Variants in LMLN observed in about 807,000 individuals in gnomAD.
LMLN encodes leishmanolysin like peptidase, also known as leishmanolysin-like peptidase.
A neutral mutation model predicts 92.3 loss-of-function variants in LMLN; 70 were observed. That is an observed-to-expected ratio of 0.76 (90% CI 0.63 to 0.92). The LOEUF (loss-of-function observed/expected upper bound fraction) is 0.92. LMLN is among the 40% of genes least tolerant of loss of function. The pLI is 0.00. For missense variants in LMLN, 691 were observed against 814.6 expected (o/e 0.85, Z 1.85); for synonymous variants, 308 against 296.2 (o/e 1.04, Z -0.41).
At chr3:198,034,997 C>G (rs997552250) in intron 14 of LMLN, among the ~76,000 whole-genome samples, 2 of 152,078 alleles carry the variant, frequency 1.3e-5, no homozygotes, top group Non-Finnish European at 2.9e-5. Flanking sequence ...GAGTTCGAGA[C>G]CAGCCTAGGC....
intron 1 of LMLN, among the ~76,000 whole-genome samples, chr3:197,969,953 G>A (rs1355815755): frequency 6.6e-6 from 1 of 152,126 alleles, no homozygotes; most frequent in Non-Finnish European, 1.5e-5. Context: ...AGACCAGCCT[G>A]GCCAACGTGG....
chr3:197,980,487 GGAAGCAAA>G lies in LMLN; in HGVS notation c.712_719del (p.Glu238HisfsTer10). On this transcript the variant is annotated frameshift_variant, in exon 6 of 16. Coordinates refer to ENST00000330198, the Ensembl canonical transcript of LMLN. LOFTEE classifies it high-confidence loss of function. ...TCTCTTATGCAGCCTATTGTCAGCA[GGAAGCAAA>G]CATGGACAGGTAATCTTTCCTCCGG... 1 of 1,613,566 alleles carries G rather than the reference GGAAGCAAA, an allele frequency of 6.2e-7. No individual in the cohort carries two copies. Among genetic ancestry groups the G allele is most frequent in the Non-Finnish European group, 8.5e-7 (1 of 1,179,810 alleles).
At chr3:197,998,316 A>G (rs1722081909) in intron 10 of LMLN, among the ~76,000 whole-genome samples, 1 of 152,364 alleles carries the variant, frequency 6.6e-6, no homozygotes, top group South Asian at 2.1e-4. Context: ...GAAAGAATGA[A>G]ATTAGTGCTT....
intron 3 of LMLN, among the ~76,000 whole-genome samples, chr3:197,975,463 G>A (rs1202577910): frequency 1.3e-5 from 2 of 152,162 alleles, no homozygotes; most frequent in African/African-American, 4.8e-5. Flanking sequence ...TTTTAACTGT[G>A]TGGAGACACA....
intron 1 of LMLN, among the ~76,000 whole-genome samples, chr3:197,971,846 T>C (rs1021770657): frequency 1.3e-5 from 2 of 152,118 alleles, no homozygotes; most frequent in Non-Finnish European, 2.9e-5. Context: ...TGTTATTTCT[T>C]TCAAATATAT....
intron 14 of LMLN, among the ~76,000 whole-genome samples, chr3:198,029,904 G>T (rs1029242975): frequency 6.6e-6 from 1 of 151,848 alleles, no homozygotes; most frequent in Non-Finnish European, 1.5e-5. Context: ...CAGGTGGCAT[G>T]ATCCCTCGGC....
At chr3:197,965,285 C>T (rs967337439) in intron 1 of LMLN, among the ~76,000 whole-genome samples, 3 of 152,170 alleles carry the variant, frequency 2.0e-5, no homozygotes, top group Admixed American at 6.5e-5. Flanking sequence ...TCCCAAAGTG[C>T]TGGGATTACA....
intron 7 of LMLN, among the ~76,000 whole-genome samples, chr3:197,984,646 G>A (rs985276594): frequency 6.6e-6 from 1 of 151,162 alleles, no homozygotes; most frequent in East Asian, 2.0e-4. Flanking sequence ...ATAAGGTCTC[G>A]CTATGTTGCC....
intron 14 of LMLN, among the ~76,000 whole-genome samples, chr3:198,028,382 A>G (rs1581181964): frequency 1.3e-5 from 2 of 152,246 alleles, no homozygotes; most frequent in South Asian, 4.1e-4. Flanking sequence ...AGTTGTTGAA[A>G]TGGACTTTGT....
intron 13 of LMLN, 30 bp downstream of exon 14, chr3:198,021,635 AT>A: frequency 6.3e-7 from 1 of 1,581,500 alleles, no homozygotes. Flanking sequence ...GAAGTATTAT[AT>A]ACATATTAAA....
rs199633343 is a variant in LMLN at position 197,990,549 on chromosome 3, A to G, written c.930-10A>G. The G allele has an allele frequency of 4.9e-5, 58 of 1,183,740 alleles. No individual in the cohort carries two copies. The Middle Eastern group carries it at 1.3e-3, about 27-fold the overall frequency. 73.3% of individuals were successfully genotyped at this position (1,183,740 alleles called of 1,614,324 possible). ...TCAGTAATAATTGTGTTTTAATTCT[A>G]TAATTACAGTCTGGGATTATATCAA... On this transcript the variant is annotated splice_polypyrimidine_tract_variant and intron_variant, in intron 8 of 15. Coordinates refer to ENST00000330198, the Ensembl canonical transcript of LMLN.
At chr3:197,981,167 T>A (rs1386930454) in intron 6 of LMLN, among the ~76,000 whole-genome samples, 1 of 151,494 alleles carries the variant, frequency 6.6e-6, no homozygotes, top group Non-Finnish European at 1.5e-5. Context: ...CAGCTCTTTG[T>A]GAGGCTGAGG....
chr3:198,032,320 T>C (rs927882631), intron 14 of LMLN, among the ~76,000 whole-genome samples: 5 of 152,158 alleles, frequency 3.3e-5, no homozygotes, highest in African/African-American at 1.2e-4. Context: ...CGATTTTGAA[T>C]GCTTTAACCT....
At chr3:197,971,722 T>A (rs1478582862) in intron 1 of LMLN, among the ~76,000 whole-genome samples, 2 of 152,096 alleles carry the variant, frequency 1.3e-5, no homozygotes, top group Non-Finnish European at 2.9e-5. Flanking sequence ...GGAGCTGGGA[T>A]TACAGGCATG....
chr3:198,015,924 G>T (rs1346036026), intron 11 of LMLN, among the ~76,000 whole-genome samples: 1 of 152,170 alleles, frequency 6.6e-6, no homozygotes, highest in Non-Finnish European at 1.5e-5. Flanking sequence ...GGTGGGCCGG[G>T]TGTGGTGTGG....
intron 14 of LMLN, among the ~76,000 whole-genome samples, chr3:198,030,337 T>C (rs934289840): frequency 6.6e-6 from 1 of 152,234 alleles, no homozygotes; most frequent in Admixed American, 6.5e-5. Context: ...ACGTATTCAC[T>C]GTTTACATTA....
chr3:198,024,277 A>T (rs191398489), intron 13 of LMLN, among the ~76,000 whole-genome samples: 1 of 144,886 alleles, frequency 6.9e-6, no homozygotes, highest in African/African-American at 2.6e-5. Context: ...GTGCAGTGGT[A>T]CAATCTCGGC....
intron 12 of LMLN, 52 bp from the exon 14 acceptor site, chr3:198,021,394 T>A: frequency 6.4e-7 from 1 of 1,573,902 alleles, no homozygotes; most frequent in Non-Finnish European, 8.7e-7. Flanking sequence ...ACTTCCTCAA[T>A]TTTATACAGA....
intron 15 of LMLN, 44 bp from the exon 17 acceptor site, chr3:198,038,523 C>G (rs1200169779): frequency 7.4e-7 from 1 of 1,359,048 alleles, no homozygotes; most frequent in Admixed American, 1.7e-5. Context: ...ATGATTTATC[C>G]CAAAATTGTT....
Sources: allele counts gnomAD v4.1 joint callset (sites outside exome capture counted in the v4.1 genomes callset), GRCh38; gene constraint gnomAD v4.1.1; transcripts MANE v1.5; gene names NCBI Gene and HGNC (gene_info 2026-07-23, HGNC 2026-07-21).